Variants in DYNC2H1 observed in about 807,000 individuals in gnomAD.
DYNC2H1 encodes the protein cytoplasmic dynein 2 heavy chain 1.
Under a neutral mutation model 570.0 loss-of-function variants are expected in DYNC2H1, and 410 were observed. The observed-to-expected ratio is 0.72, with a 90% CI of 0.66 to 0.78. DYNC2H1 has a LOEUF of 0.78. Among genes scored for constraint, DYNC2H1 ranks in the 30% least tolerant of loss-of-function variants. The pLI is 0.00. For synonymous variants in DYNC2H1, 1,688 were observed against 1,677.6 expected, an observed-to-expected ratio of 1.01 and a Z score of -0.15; for missense variants, 4,865 against 5,046.4, an observed-to-expected ratio of 0.96 and a Z score of 1.09.
intron 85 of DYNC2H1, among the ~76,000 whole-genome samples, chr11:103,441,857 C>G (rs759414357): frequency 1.3e-5 from 2 of 149,204 alleles, no homozygotes; most frequent in Non-Finnish European, 2.9e-5. Flanking sequence ...GGTTTTCACT[C>G]ATTTTTTGAG....
chr11:103,111,963 G>A (rs183685882), intron 1 of DYNC2H1, among the ~76,000 whole-genome samples: 10 of 152,322 alleles, frequency 6.6e-5, no homozygotes, highest in East Asian at 3.9e-4. Flanking sequence ...TAGGCTAAAC[G>A]CATGCTACAG....
intron 70 of DYNC2H1, among the ~76,000 whole-genome samples, chr11:103,272,236 T>C (rs1262919336): frequency 6.6e-6 from 1 of 152,206 alleles, no homozygotes; most frequent in Non-Finnish European, 1.5e-5. Flanking sequence ...TGGAATACTA[T>C]GCAGCCATAA....
intron 28 of DYNC2H1, among the ~76,000 whole-genome samples, chr11:103,160,106 C>A (rs1229583239): frequency 6.6e-6 from 1 of 152,112 alleles, no homozygotes; most frequent in African/African-American, 2.4e-5. Context: ...CTCTTGCAAT[C>A]AGAACCCTTT....
intron 25 of DYNC2H1, 128 bp downstream of exon 25, chr11:103,155,629 AAC>A (rs1181869867): frequency 1.1e-6 from 1 of 885,754 alleles, no homozygotes. Flanking sequence ...AAAGTAAACA[AAC>A]ACAAATCATT....
At chr11:103,344,115 G>A (rs1939618749) in intron 82 of DYNC2H1, among the ~76,000 whole-genome samples, 1 of 152,138 alleles carries the variant, frequency 6.6e-6, no homozygotes, top group Non-Finnish European at 1.5e-5. Context: ...CATCTTGTCA[G>A]TACCCTATGT....
chr11:103,289,333 G>T lies in DYNC2H1; in HGVS notation c.11095+1728G>T, dbSNP rs780699696. Among the ~76,000 whole-genome samples, 15 of 152,154 alleles carry T rather than the reference G, an allele frequency of 9.9e-5. No homozygotes were observed. Among genetic ancestry groups the T allele is most frequent in the Non-Finnish European group, 2.1e-4 (14 of 68,032 alleles). On this transcript the variant is annotated intron_variant, in intron 75 of 88. Transcript: ENST00000375735. This position sits in a 1 kb window ranked among gnomAD's most constrained non-coding sequence, Gnocchi z 4.2. ...GCAATGGGCAAGGTGAACCCATTGG[G>T]CACTAAAAAACCATAAGCTAAATTC...
In DYNC2H1 at chr11:103,116,585, G is replaced by A; in HGVS notation, c.637G>A (p.Asp213Asn). The change falls in exon 5 of 89, where the codon GAC (aspartate) becomes AAC (asparagine). Residue 213 changes from aspartate (D) to asparagine (N), a missense_variant. Asp to Asn is a conservative substitution (Grantham distance 23). Transcript: ENST00000375735. ...ETIAREFYNL[D>N]SLSLLEVVDL... ...TTTTTTCTAGGAGTTTTATAACTTG[G>A]ACAGTCTATCCTTACTAGAAGTTGT... The A allele has an allele frequency of 6.3e-7, 1 of 1,581,914 alleles. No homozygotes were observed. Among genetic ancestry groups the A allele is most frequent in the Non-Finnish European group, 8.6e-7 (1 of 1,164,360 alleles).
rs183834336 is a variant in DYNC2H1 at position 103,244,360 on chromosome 11, T to G, written c.9918+569T>G. On this transcript the variant is annotated intron_variant, in intron 64 of 88. Transcript: ENST00000375735. The surrounding 1 kb of genome is among the most constrained non-coding windows in gnomAD (Gnocchi z 4.3). The stretch of plus-strand genomic sequence containing the variant: ...TATTTTTGGTTAGGTTATTATTTTG[T>G]TAAAGGAAGACCTAATATATGATTA... Among the ~76,000 whole-genome samples, 1 of 152,078 alleles carries G rather than the reference T, an allele frequency of 6.6e-6. No homozygotes were observed. Among genetic ancestry groups the G allele is most frequent in the Non-Finnish European group, 1.5e-5 (1 of 67,916 alleles).
At chr11:103,213,388 T>A (rs1863235721) in intron 54 of DYNC2H1, among the ~76,000 whole-genome samples, 1 of 152,172 alleles carries the variant, frequency 6.6e-6, no homozygotes, top group Non-Finnish European at 1.5e-5. Context: ...TGGTAAAAAG[T>A]GTTTTTTATT....
At chr11:103,292,676 G>T (rs1866663799) in intron 75 of DYNC2H1, among the ~76,000 whole-genome samples, 1 of 152,196 alleles carries the variant, frequency 6.6e-6, no homozygotes, top group African/African-American at 2.4e-5. Context: ...TAGTGAGTGA[G>T]TTCTCTCAAG....
intron 38 of DYNC2H1, among the ~76,000 whole-genome samples, chr11:103,178,361 C>T (rs941127552): frequency 2.6e-5 from 4 of 151,974 alleles, no homozygotes; most frequent in East Asian, 3.8e-4. Flanking sequence ...TTTTCTAAGG[C>T]AGTAAGTGAA....
chr11:103,329,652 T>G (rs1481085481), intron 82 of DYNC2H1, among the ~76,000 whole-genome samples: 2 of 152,024 alleles, frequency 1.3e-5, no homozygotes, highest in African/African-American at 4.8e-5. Context: ...TCTTACAGGA[T>G]TCTGAGTTAT....
At chr11:103,350,044 G>C (rs2671350) in intron 82 of DYNC2H1, among the ~76,000 whole-genome samples, 72,948 of 151,896 alleles carry the variant, frequency 0.48, 19,406 homozygotes, top group Admixed American at 0.59. Flanking sequence ...GGGGGATATG[G>C]ATTCTTATGT....
chr11:103,199,295 A>G lies in DYNC2H1; in HGVS notation c.7907A>G (p.Tyr2636Cys). 1 of 1,611,212 alleles carries G rather than the reference A, an allele frequency of 6.2e-7. No homozygotes were observed. Among genetic ancestry groups the G allele is most frequent in the Non-Finnish European group, 8.5e-7 (1 of 1,179,390 alleles). ...TTACTTTTCCACGAAGTCTTGGAGT[A>G]TATGTCTAGGATAGATAGAGTGCTG... ...DILLFHEVLE[Y>C]MSRIDRVLSF... The change falls in exon 49 of 89, where the codon TAT becomes TGT. Residue 2636 changes from tyrosine to cysteine, a missense_variant. Transcript: ENST00000375735. This position sits in a 1 kb window ranked among gnomAD's most constrained non-coding sequence, Gnocchi z 4.6.
In DYNC2H1 at chr11:103,461,630, CCA is replaced by C. The variant is rs1453919013; in HGVS notation, c.12648+5277_12648+5278del. On this transcript the variant is annotated intron_variant, in intron 87 of 88. Coordinates refer to ENST00000375735, the MANE Select transcript of DYNC2H1 (RefSeq NM_001377.3). The surrounding 1 kb of genome is among the most constrained non-coding windows in gnomAD (Gnocchi z 4.8). ...ATATGCGGTATAGTATATACAGTAACCACATATGGCTGCTGAGCACATACGGG... is the reference window on the plus strand; with the variant it reads ...ATATGCGGTATAGTATATACAGTAACCATATGGCTGCTGAGCACATACGGG... 1.3e-5 allele frequency among the ~76,000 whole-genome samples: 2 copies of C among 152,108 alleles called. No individual in the cohort carries two copies.
In DYNC2H1 at chr11:103,186,371, A is replaced by G; in HGVS notation, c.6763A>G (p.Ser2255Gly). 1 of 1,612,924 alleles carries G rather than the reference A, an allele frequency of 6.2e-7. No homozygotes were observed. Among genetic ancestry groups the G allele is most frequent in the Non-Finnish European group, 8.5e-7 (1 of 1,179,190 alleles). ...AGAAGACTTGACTGCTGATGATTTC[A>G]GTAACGGCTTAACTCTTCCAGTCAT... is the stretch of plus-strand genomic sequence containing the variant. Reference protein sequence around the residue: ...KPEDLTADDFSNGLTLPVIQT... With the variant: ...KPEDLTADDFGNGLTLPVIQT... Residue 2255 changes from serine (S) to glycine (G), a missense_variant, in exon 42 of 89, where the codon AGT becomes GGT. Physicochemically the swap from Ser to Gly is moderately conservative, Grantham distance 56 (BLOSUM62 0). This residue lies in a region of DYNC2H1 where 2,401 missense variants were observed against 2,454.6 expected (regional missense o/e 0.98). Coordinates refer to ENST00000375735, the MANE Select transcript of DYNC2H1 (RefSeq NM_001377.3). The surrounding 1 kb of genome is among the most constrained non-coding windows in gnomAD (Gnocchi z 4.5).
chr11:103,188,494 T>C lies in DYNC2H1; in HGVS notation c.7141-3T>C. The C allele has an allele frequency of 6.5e-7, 1 of 1,534,560 alleles. No individual in the cohort carries two copies. The highest frequency in any genetic ancestry group is 1.4e-5 in the African/African-American group (1 of 73,052). ...CGTTTAAAATATATTTATTTTCAAA[T>C]AGGTATTGACGTATCAAGGATTTTA... On this transcript the variant is annotated splice_region_variant and splice_polypyrimidine_tract_variant and intron_variant, in intron 43 of 88. Coordinates refer to ENST00000375735, the MANE Select transcript of DYNC2H1 (RefSeq NM_001377.3).
chr11:103,388,923 T>C (rs1442500293), intron 83 of DYNC2H1, among the ~76,000 whole-genome samples: 1 of 152,184 alleles, frequency 6.6e-6, no homozygotes, highest in Non-Finnish European at 1.5e-5. Context: ...TATTGAGGAT[T>C]TTTGCATTGA....
At chr11:103,424,855 T>G (rs1943612294) in intron 84 of DYNC2H1, among the ~76,000 whole-genome samples, 1 of 152,198 alleles carries the variant, frequency 6.6e-6, no homozygotes, top group African/African-American at 2.4e-5. Context: ...GCAAACTATT[T>G]TATAGTATTT....
Sources: gnomAD v4.1 joint callset for allele counts (sites outside exome capture counted in the v4.1 genomes callset) on GRCh38, gnomAD v4.1.1 for gene constraint, gnomAD v4.1.1 regional missense constraint, Gnocchi (gnomAD v3.1) non-coding constraint, MANE v1.5 for transcripts, NCBI Gene and HGNC (gene_info 2026-07-23, HGNC 2026-07-21) for gene names.